The following SND1 variants were observed in gnomAD, a reference collection of about 807,000 sequenced individuals.
SND1 encodes the protein staphylococcal nuclease and tudor domain containing 1, also known as staphylococcal nuclease domain-containing protein 1.
Under a neutral mutation model 121.7 loss-of-function variants are expected in SND1, and 38 were observed. The observed-to-expected ratio is 0.31, with a 90% CI of 0.24 to 0.41. The LOEUF (loss-of-function observed/expected upper bound fraction) is 0.41. SND1 is among the 10% of genes least tolerant of loss of function. SND1 has a pLI of 1.00. For synonymous variants in SND1, 401 were observed against 447.4 expected (o/e 0.90, Z 1.31); for missense variants, 868 against 1,184.6 (o/e 0.73, Z 3.92).
intron 1 of SND1, among the ~76,000 whole-genome samples, chr7:127,657,607 C>T (rs1212811396): frequency 6.6e-6 from 1 of 152,182 alleles, no homozygotes; most frequent in African/African-American, 2.4e-5. Flanking sequence ...ATCCTCCTGC[C>T]TCAGCCTCCT....
intron 16 of SND1, among the ~76,000 whole-genome samples, chr7:128,074,233 T>G (rs1419365825): frequency 1.3e-5 from 2 of 152,132 alleles, no homozygotes; most frequent in African/African-American, 4.8e-5. Flanking sequence ...GCGCTCTCTC[T>G]CTCTCTCTCA....
At chr7:127,780,737 A>G (rs1167365135) in intron 10 of SND1, among the ~76,000 whole-genome samples, 1 of 152,272 alleles carries the variant, frequency 6.6e-6, no homozygotes, top group African/African-American at 2.4e-5. Context: ...CTTAACAGGC[A>G]AATTAGACAA....
intron 18 of SND1, among the ~76,000 whole-genome samples, chr7:128,084,326 T>C (rs541639065): frequency 6.6e-6 from 1 of 152,282 alleles, no homozygotes; most frequent in African/African-American, 2.4e-5. Flanking sequence ...AGGAATGGGG[T>C]ACGGGCTGGC....
At chr7:127,826,537 A>C (rs911475737) in intron 11 of SND1, among the ~76,000 whole-genome samples, 1 of 152,198 alleles carries the variant, frequency 6.6e-6, no homozygotes, top group Admixed American at 6.5e-5. Flanking sequence ...GGATTTGGTC[A>C]TTTAAGAAGC....
At chr7:128,023,384 C>T (rs1803402029) in intron 16 of SND1, among the ~76,000 whole-genome samples, 1 of 152,116 alleles carries the variant, frequency 6.6e-6, no homozygotes, top group Non-Finnish European at 1.5e-5. Flanking sequence ...TGCTCTGTGC[C>T]AGAGAAACAT....
chr7:128,032,531 GC>G (rs2116993252), intron 16 of SND1, among the ~76,000 whole-genome samples: 1 of 151,820 alleles, frequency 6.6e-6, no homozygotes, highest in South Asian at 2.1e-4. Flanking sequence ...GCCCGCGCCG[GC>G]CCCCGCCCTC....
At chr7:127,692,063 T>G (rs1029002285) in intron 2 of SND1, among the ~76,000 whole-genome samples, 1 of 152,144 alleles carries the variant, frequency 6.6e-6, no homozygotes, top group Non-Finnish European at 1.5e-5. Context: ...CAGTTACATA[T>G]CCAGATGGCA....
At chr7:127,974,243 T>C (rs1802063834) in intron 15 of SND1, among the ~76,000 whole-genome samples, 1 of 152,218 alleles carries the variant, frequency 6.6e-6, no homozygotes, top group Non-Finnish European at 1.5e-5. Context: ...ATACAGCATC[T>C]CAGCTAGAAT....
At chr7:127,828,272 C>T (rs930356309) in intron 11 of SND1, among the ~76,000 whole-genome samples, 3 of 152,102 alleles carry the variant, frequency 2.0e-5, no homozygotes, top group African/African-American at 2.4e-5. Flanking sequence ...GCTGGGATTA[C>T]GGGTGTGAGC....
At chr7:127,867,606 G>A (rs1273914890) in intron 12 of SND1, among the ~76,000 whole-genome samples, 1 of 152,132 alleles carries the variant, frequency 6.6e-6, no homozygotes, top group Non-Finnish European at 1.5e-5. Flanking sequence ...CTCCCAGTAT[G>A]TAATTACCTA....
intron 10 of SND1, among the ~76,000 whole-genome samples, chr7:127,773,830 C>A (rs1180051758): frequency 1.3e-5 from 2 of 152,174 alleles, no homozygotes; most frequent in Non-Finnish European, 2.9e-5. Context: ...CAAGGACAGA[C>A]CACATATACT....
intron 2 of SND1, among the ~76,000 whole-genome samples, chr7:127,687,462 C>G (rs1459435873): frequency 6.6e-6 from 1 of 152,066 alleles, no homozygotes; most frequent in African/African-American, 2.4e-5. Flanking sequence ...ATTCTCACCC[C>G]CCTCACTCCT....
At chr7:127,718,393 C>T (rs987476945) in intron 9 of SND1, among the ~76,000 whole-genome samples, 4 of 152,160 alleles carry the variant, frequency 2.6e-5, no homozygotes, top group African/African-American at 9.7e-5. Flanking sequence ...ATTGCCGATT[C>T]CATGTCTCTG....
At chr7:127,969,722 C>T (rs994930513) in intron 15 of SND1, among the ~76,000 whole-genome samples, 3 of 152,006 alleles carry the variant, frequency 2.0e-5, no homozygotes, top group African/African-American at 4.8e-5. Context: ...AGCAAGACTC[C>T]GTCTCAAAAA....
intron 11 of SND1, 101 bp from the exon 12 acceptor site, chr7:127,844,223 C>T (rs984438026): frequency 2.7e-6 from 2 of 741,872 alleles, no homozygotes; most frequent in Non-Finnish European, 4.2e-6. Context: ...GAAAACCAAA[C>T]TGGAGTGAGC....
intron 12 of SND1, among the ~76,000 whole-genome samples, chr7:127,855,055 A>G (rs2116669473): frequency 6.6e-6 from 1 of 151,870 alleles, no homozygotes; most frequent in African/African-American, 2.4e-5. Context: ...AGAAGCAGAA[A>G]AACTTGGACC....
intron 17 of SND1, among the ~76,000 whole-genome samples, chr7:128,080,448 G>A (rs1317807479): frequency 6.6e-6 from 1 of 152,282 alleles, no homozygotes; most frequent in Non-Finnish European, 1.5e-5. Flanking sequence ...GCAACCTGCT[G>A]GAGGTGAGGA....
At chr7:127,738,723 A>T (rs1796824688) in intron 10 of SND1, among the ~76,000 whole-genome samples, 1 of 152,174 alleles carries the variant, frequency 6.6e-6, no homozygotes, top group Non-Finnish European at 1.5e-5. Context: ...AGAGAGGATC[A>T]TCTCTTCAGA....
rs1584783659 is a variant in SND1 at position 128,089,584 on chromosome 7, C to T, written c.2514C>T (p.Pro838=). 1 of 1,614,226 alleles carries T rather than the reference C, an allele frequency of 6.2e-7. No homozygotes were observed. The change falls in exon 22 of 24, where the codon CCC becomes CCT. Residue 838 remains proline (P), a synonymous_variant. Transcript: ENST00000354725. ...TGGAACACCTGAGTGCCGGCTGCCCCCATGTCACCCTGCAGTTTGCAGATT... is the reference window on the plus strand; with the variant it reads ...TGGAACACCTGAGTGCCGGCTGCCCTCATGTCACCCTGCAGTTTGCAGATT... ...LNVEHLSAGC[P]HVTLQFADSK...
Sources: gnomAD v4.1 joint callset for allele counts (sites outside exome capture counted in the v4.1 genomes callset) on GRCh38, gnomAD v4.1.1 for gene constraint, MANE v1.5 for transcripts, NCBI Gene and HGNC (gene_info 2026-07-23, HGNC 2026-07-21) for gene names.